The following CDH8 variants were observed in gnomAD, a reference collection of about 807,000 sequenced individuals.
CDH8 encodes the protein cadherin-8.
A neutral mutation model predicts 68.1 loss-of-function variants in CDH8; 17 were observed. That is an observed-to-expected ratio of 0.25 (90% CI 0.17 to 0.37). CDH8 has a LOEUF of 0.37. Among genes scored for constraint, CDH8 ranks in the 10% least tolerant of loss-of-function variants. The pLI is 1.00. For synonymous variants in CDH8, 372 were observed against 365.1 expected (o/e 1.02, Z -0.21); for missense variants, 763 against 999.3 (o/e 0.76, Z 3.19).
At chr16:61,880,567 CCTAGG>C (rs1963556012) in intron 3 of CDH8, among the ~76,000 whole-genome samples, 1 of 151,996 alleles carries the variant, frequency 6.6e-6, no homozygotes, top group Non-Finnish European at 1.5e-5. Context: ...AGTTTTTAGC[CCTAGG>C]ATGGTGAGAA....
intron 8 of CDH8, among the ~76,000 whole-genome samples, chr16:61,735,426 A>G (rs1344433568): frequency 6.6e-6 from 1 of 152,168 alleles, no homozygotes; most frequent in East Asian, 1.9e-4. Flanking sequence ...AATATCATAA[A>G]TATCAGCTCA....
intron 10 of CDH8, among the ~76,000 whole-genome samples, chr16:61,711,883 T>C (rs1268387390): frequency 6.6e-6 from 1 of 151,696 alleles, no homozygotes; most frequent in Non-Finnish European, 1.5e-5. Context: ...ATAAATTACA[T>C]GGTCGCTCTT....
intron 2 of CDH8, among the ~76,000 whole-genome samples, chr16:62,016,538 T>A (rs1035136511): frequency 6.6e-6 from 1 of 152,138 alleles, no homozygotes; most frequent in African/African-American, 2.4e-5. Flanking sequence ...CCACCACAGG[T>A]TTTCTCTTTC....
rs1597003847 is a variant in CDH8 at position 61,831,989 on chromosome 16, C to T, written c.668-6810G>A. ...ACTTATGAGGTTAAGTGGTAAAAGG[C>T]TATAAGAGACAATACTTCTATAAGT... is the stretch of plus-strand genomic sequence containing the variant. On this transcript the variant is annotated intron_variant, in intron 4 of 11. Coordinates refer to ENST00000577390, the MANE Select transcript of CDH8 (RefSeq NM_001796.5). Among the ~76,000 whole-genome samples the T allele has an allele frequency of 4.0e-5, 6 of 151,750 alleles. 1 individual carries two copies. The East Asian group carries it at 9.8e-4, about 25-fold the overall frequency.
chr16:61,959,732 A>T (rs1408324897), intron 2 of CDH8, among the ~76,000 whole-genome samples: 2 of 150,856 alleles, frequency 1.3e-5, no homozygotes, highest in African/African-American at 4.9e-5. Context: ...ATATACACAC[A>T]CATATGTATG....
At chr16:61,841,246 A>G (rs1265981130) in intron 4 of CDH8, among the ~76,000 whole-genome samples, 1 of 152,198 alleles carries the variant, frequency 6.6e-6, no homozygotes, top group African/African-American at 2.4e-5. Flanking sequence ...GCTGGATCAG[A>G]TGGTAGCTCA....
chr16:61,838,284 T>C (rs892736865), intron 4 of CDH8, among the ~76,000 whole-genome samples: 2 of 152,146 alleles, frequency 1.3e-5, no homozygotes, highest in African/African-American at 4.8e-5. Flanking sequence ...TCTTTGAATG[T>C]TTTTGTTTCA....
chr16:61,931,768 C>G (rs775179097), intron 2 of CDH8, among the ~76,000 whole-genome samples: 2 of 152,238 alleles, frequency 1.3e-5, no homozygotes, highest in African/African-American at 4.8e-5. Flanking sequence ...AGTTATAAGA[C>G]GTACCCTTAA....
At chr16:61,765,439 T>C (rs1053912569) in intron 8 of CDH8, among the ~76,000 whole-genome samples, 3 of 152,032 alleles carry the variant, frequency 2.0e-5, no homozygotes, top group Non-Finnish European at 2.9e-5. Flanking sequence ...TCAAAATTAG[T>C]TGAGATACTC....
intron 1 of CDH8, among the ~76,000 whole-genome samples, chr16:62,035,434 G>T (rs974882772): frequency 1.3e-5 from 2 of 152,154 alleles, no homozygotes; most frequent in African/African-American, 2.4e-5. Context: ...GGGCAGAGCC[G>T]CAGGGCGACT....
At chr16:61,977,399 C>T (rs1194265269) in intron 2 of CDH8, among the ~76,000 whole-genome samples, 1 of 152,090 alleles carries the variant, frequency 6.6e-6, no homozygotes, top group Non-Finnish European at 1.5e-5. Context: ...GACCATTTAC[C>T]TCAAAGACTT....
At chr16:61,771,462 A>G (rs922665036) in intron 8 of CDH8, among the ~76,000 whole-genome samples, 2 of 146,826 alleles carry the variant, frequency 1.4e-5, no homozygotes, top group African/African-American at 2.6e-5. Flanking sequence ...AGCTGTATTT[A>G]AAAGCCAGCC....
intron 2 of CDH8, among the ~76,000 whole-genome samples, chr16:61,902,542 A>G (rs948390385): frequency 1.3e-5 from 2 of 151,220 alleles, no homozygotes; most frequent in Admixed American, 6.6e-5. Context: ...TTAACTGCCA[A>G]TATAGTTCCA....
intron 3 of CDH8, among the ~76,000 whole-genome samples, chr16:61,864,342 G>A (rs1597026744): frequency 1.5e-5 from 2 of 137,518 alleles, no homozygotes; most frequent in Admixed American, 7.3e-5. Context: ...TGGTTGGTTG[G>A]TTGATTGAAA....
chr16:61,687,154 C>A (rs1348542235), intron 10 of CDH8, among the ~76,000 whole-genome samples: 1 of 151,828 alleles, frequency 6.6e-6, no homozygotes, highest in East Asian at 1.9e-4. Context: ...ATTATAGTCT[C>A]ATTTGTCTTC....
intron 2 of CDH8, among the ~76,000 whole-genome samples, chr16:61,982,511 G>A (rs1302155219): frequency 1.3e-5 from 2 of 152,180 alleles, no homozygotes; most frequent in East Asian, 1.9e-4. Flanking sequence ...GAACCACCGC[G>A]CCCGGCTAGG....
chr16:61,902,447 T>C (rs543526491), intron 2 of CDH8, among the ~76,000 whole-genome samples: 4 of 152,176 alleles, frequency 2.6e-5, no homozygotes, highest in African/African-American at 9.6e-5. Flanking sequence ...CAATAATATA[T>C]GTATTTGGGG....
chr16:61,788,476 A>G (rs1961292860), intron 8 of CDH8, among the ~76,000 whole-genome samples: 1 of 152,092 alleles, frequency 6.6e-6, no homozygotes, highest in Non-Finnish European at 1.5e-5. Context: ...CACAACTTCA[A>G]AGTCCTTTAT....
rs571115446 is a variant in CDH8 at position 62,011,256 on chromosome 16, T to G, written c.252+9896A>C. On this transcript the variant is annotated intron_variant, in intron 2 of 11. Transcript: ENST00000577390. ...CCTGCTGCATTGTGGTAAATGCATA[T>G]AGAGAAAAGGAAGTAGTCCATGGAA... Among the ~76,000 whole-genome samples the G allele has an allele frequency of 8.5e-5, 13 of 152,248 alleles. No individual in the cohort carries two copies. In the South Asian group the frequency reaches 2.7e-3, roughly 32 times the overall value.
Sources: allele counts gnomAD v4.1 joint callset (sites outside exome capture counted in the v4.1 genomes callset), GRCh38; gene constraint gnomAD v4.1.1; transcripts MANE v1.5; gene names NCBI Gene and HGNC (gene_info 2026-07-23, HGNC 2026-07-21).